Variants in MCC observed in about 807,000 individuals in gnomAD.
MCC encodes MCC regulator of Wnt signaling pathway.
Under a neutral mutation model 116.2 loss-of-function variants are expected in MCC, and 90 were observed. The observed-to-expected ratio is 0.77, with a 90% CI of 0.65 to 0.92. The LOEUF is 0.92. MCC is among the 40% of genes least tolerant of loss of function. The probability of loss-of-function intolerance (pLI) is 0.00; values close to 1 mark genes in which losing one functional copy is unlikely to be tolerated. For synonymous variants in MCC, 578 were observed against 510.5 expected, an observed-to-expected ratio of 1.13 and a Z score of -1.78; for missense variants, 1,516 against 1,312.2, an observed-to-expected ratio of 1.16 and a Z score of -2.40.
intron 5 of MCC, among the ~76,000 whole-genome samples, chr5:113,125,497 T>C (rs1389148383): frequency 2.0e-5 from 3 of 152,126 alleles, no homozygotes; most frequent in Non-Finnish European, 4.4e-5. Context: ...CCACTGACTT[T>C]GGTAAAAAAA....
intron 3 of MCC, among the ~76,000 whole-genome samples, chr5:113,309,918 TTCCC>T (rs930570555): frequency 8.7e-5 from 13 of 149,996 alleles, no homozygotes; most frequent in Admixed American, 1.3e-4. Context: ...TCCTTCCTTC[TTCCC>T]TCCCTCCCTC....
rs771990661 is a variant in MCC, at chr5:113,433,923, T to A, written c.171-48711A>T. 3.1e-6 allele frequency: 5 copies of A among 1,614,030 alleles called. No individual in the cohort carries two copies. The South Asian group carries it at 5.5e-5, about 18-fold the overall frequency. On this transcript the variant is annotated intron_variant, in intron 1 of 18. Transcript: ENST00000408903. Reference sequence around the variant, plus strand: ...AGGCTCCAGCTTGGTGGCAGACTTCTTGTCAGAGCCAGGTTCGGGGGTCCA... The same window carrying A: ...AGGCTCCAGCTTGGTGGCAGACTTCATGTCAGAGCCAGGTTCGGGGGTCCA...
At position 113,340,725 on chromosome 5, in the gene MCC, A is replaced by T; in HGVS notation, c.421T>A (p.Leu141Ile). 2 of 1,613,038 alleles carry T rather than the reference A, an allele frequency of 1.2e-6. No individual in the cohort carries two copies. Among genetic ancestry groups the T allele is most frequent in the African/African-American group, 1.3e-5 (1 of 75,028 alleles). Residue 141 changes from leucine to isoleucine, a missense_variant, in exon 3 of 19, where the codon TTA becomes ATA. Transcript: ENST00000408903. ...TCCCAGCTCTCCCTGGCTGCTGATAAGGCACCTAAGTCCGAGAGAAGCAGA... is the reference window on the plus strand; with the variant it reads ...TCCCAGCTCTCCCTGGCTGCTGATATGGCACCTAAGTCCGAGAGAAGCAGA... ...PTSSDNSLGALSAARESWEYD... is the reference protein window; with the variant it reads ...PTSSDNSLGAISAARESWEYD...
At chr5:113,444,194 C>A (rs1049667714) in intron 1 of MCC, among the ~76,000 whole-genome samples, 2 of 152,012 alleles carry the variant, frequency 1.3e-5, no homozygotes, top group African/African-American at 4.8e-5. Flanking sequence ...CAGGATGGTA[C>A]AAATACAGGT....
At chr5:113,395,634 C>T (rs995226806) in intron 1 of MCC, among the ~76,000 whole-genome samples, 2 of 152,120 alleles carry the variant, frequency 1.3e-5, no homozygotes, top group Non-Finnish European at 2.9e-5. Context: ...CTGCTGTTTC[C>T]CTTTAAATAC....
intron 3 of MCC, 95 bp from the exon 4 acceptor site, chr5:113,151,517 A>G (rs746470003): frequency 2.2e-5 from 15 of 678,302 alleles, no homozygotes; most frequent in Non-Finnish European, 3.5e-5. Flanking sequence ...TAAAAAGCCT[A>G]TCATCCAAAA....
intron 3 of MCC, among the ~76,000 whole-genome samples, chr5:113,227,574 T>C (rs527927279): frequency 4.5e-4 from 68 of 152,342 alleles, no homozygotes; most frequent in African/African-American, 1.4e-3. Flanking sequence ...ACTTTAATGA[T>C]TTATAGAATA....
chr5:113,031,793 G>A (rs1316116300), intron 17 of MCC, among the ~76,000 whole-genome samples: 1 of 152,086 alleles, frequency 6.6e-6, no homozygotes, highest in Admixed American at 6.5e-5. Context: ...GGACCAGAGG[G>A]AACTTTCTGG....
chr5:113,461,506 C>G (rs558299933), intron 1 of MCC, among the ~76,000 whole-genome samples: 36 of 151,696 alleles, frequency 2.4e-4, no homozygotes, highest in African/African-American at 8.0e-4. Context: ...TGGACACATA[C>G]AAGAAATAAT....
intron 3 of MCC, among the ~76,000 whole-genome samples, chr5:113,282,184 T>C (rs1318131160): frequency 1.3e-5 from 2 of 152,198 alleles, no homozygotes; most frequent in East Asian, 3.8e-4. Context: ...CTGAAGTGAC[T>C]TGACCCAGTG....
At chr5:113,313,371 C>T (rs369847168) in intron 3 of MCC, among the ~76,000 whole-genome samples, 1 of 151,912 alleles carries the variant, frequency 6.6e-6, no homozygotes, top group African/African-American at 2.4e-5. Context: ...AAACAAACAA[C>T]AAAAACGTGT....
intron 3 of MCC, among the ~76,000 whole-genome samples, chr5:113,301,149 A>T (rs1306940624): frequency 1.3e-5 from 2 of 152,212 alleles, no homozygotes; most frequent in Non-Finnish European, 2.9e-5. Context: ...CTTGATGGGA[A>T]ATGATTAATA....
At chr5:113,323,541 C>T (rs954815280) in intron 3 of MCC, among the ~76,000 whole-genome samples, 16 of 152,072 alleles carry the variant, frequency 1.1e-4, no homozygotes, top group Non-Finnish European at 1.8e-4. Context: ...AGGGAAGATC[C>T]GGAGTTGTAT....
At chr5:113,144,393 T>A (rs1444816560) in intron 4 of MCC, among the ~76,000 whole-genome samples, 1 of 152,206 alleles carries the variant, frequency 6.6e-6, no homozygotes, top group Non-Finnish European at 1.5e-5. Context: ...TTCGATTAAT[T>A]TCCTGTCAGC....
At chr5:113,397,164 C>A (rs1769548337) in intron 1 of MCC, among the ~76,000 whole-genome samples, 1 of 152,062 alleles carries the variant, frequency 6.6e-6, no homozygotes, top group South Asian at 2.1e-4. Context: ...AAAATCAATT[C>A]CAACATTACC....
chr5:113,327,556 AAAAAAATATAT>A (rs1475239998), intron 3 of MCC, among the ~76,000 whole-genome samples: 3 of 106,228 alleles, frequency 2.8e-5, no homozygotes, highest in South Asian at 5.5e-4. Context: ...AAAAAAAAAA[AAAAAAATATAT>A]ATATATATAT....
chr5:113,320,409 C>A (rs1767390477), intron 3 of MCC, among the ~76,000 whole-genome samples: 1 of 140,976 alleles, frequency 7.1e-6, no homozygotes, highest in South Asian at 2.2e-4. Flanking sequence ...ATGGTGATAA[C>A]ATTGTACACA....
At chr5:113,078,874 T>C (rs1754649050) in intron 11 of MCC, among the ~76,000 whole-genome samples, 1 of 152,232 alleles carries the variant, frequency 6.6e-6, no homozygotes, top group Non-Finnish European at 1.5e-5. Context: ...AAACTGTCCC[T>C]GTTTGCAGAT....
chr5:113,119,778 A>T (rs760468842), intron 6 of MCC, among the ~76,000 whole-genome samples: 3 of 152,158 alleles, frequency 2.0e-5, no homozygotes, highest in African/African-American at 4.8e-5. Context: ...CCCTCCAGGA[A>T]CTCAGTCTTC....
Sources: gnomAD v4.1 joint callset for allele counts (sites outside exome capture counted in the v4.1 genomes callset) on GRCh38, gnomAD v4.1.1 for gene constraint, MANE v1.5 for transcripts, NCBI Gene and HGNC (gene_info 2026-07-23, HGNC 2026-07-21) for gene names.